ZMYM2: variants seen among roughly 807,000 people sequenced by gnomAD.
The protein encoded by ZMYM2 is zinc finger MYM-type containing 2.
ZMYM2 carries 56 observed loss-of-function variants against 162.8 expected under a neutral mutation model. The observed-to-expected ratio is 0.34, with a 90% CI of 0.28 to 0.43. The LOEUF is 0.43. Among genes scored for constraint, ZMYM2 ranks in the 20% least tolerant of loss-of-function variants. The probability of loss-of-function intolerance (pLI) is 1.00; values close to 1 mark genes in which losing one functional copy is unlikely to be tolerated. For synonymous variants in ZMYM2, 510 were observed against 541.6 expected (o/e 0.94, Z 0.81); for missense variants, 1,275 against 1,621.8 (o/e 0.79, Z 3.67).
At chr13:20,055,142 AG>A (rs1201275925) in intron 14 of ZMYM2, among the ~76,000 whole-genome samples, 2 of 152,054 alleles carry the variant, frequency 1.3e-5, no homozygotes, top group Non-Finnish European at 2.9e-5. Flanking sequence ...TATGAGGAGT[AG>A]GGGTAGGGGC....
At chr13:20,060,697 T>C (rs1956164480) in intron 16 of ZMYM2, among the ~76,000 whole-genome samples, 1 of 150,924 alleles carries the variant, frequency 6.6e-6, no homozygotes, top group Non-Finnish European at 1.5e-5. Flanking sequence ...AAAAGAAAAA[T>C]ATTTGTGAAG....
At chr13:20,058,154 C>T (rs184475965) in intron 14 of ZMYM2, among the ~76,000 whole-genome samples, 1 of 152,088 alleles carries the variant, frequency 6.6e-6, no homozygotes, top group Non-Finnish European at 1.5e-5. Flanking sequence ...ATATTTAAAG[C>T]CATTTATCCA....
chr13:19,879,971 C>T, the ZMYM2 span, among the ~76,000 whole-genome samples: 1 of 152,208 alleles, frequency 6.6e-6, no homozygotes, highest in Non-Finnish European at 1.5e-5. Flanking sequence ...TATTTCCTCT[C>T]TTTCTTTTCC....
chr13:20,073,123 G>A (rs1412255971), intron 21 of ZMYM2, among the ~76,000 whole-genome samples: 2 of 152,040 alleles, frequency 1.3e-5, no homozygotes, highest in Non-Finnish European at 2.9e-5. Flanking sequence ...GGCCAGGCTG[G>A]TCTTGAATTC....
chr13:20,057,655 G>C (rs184947731), intron 14 of ZMYM2, among the ~76,000 whole-genome samples: 1 of 152,214 alleles, frequency 6.6e-6, no homozygotes, highest in Non-Finnish European at 1.5e-5. Context: ...GTACAGTAGT[G>C]TATTACACAA....
the ZMYM2 span, among the ~76,000 whole-genome samples, chr13:19,913,259 C>G: frequency 6.6e-6 from 1 of 152,116 alleles, no homozygotes; most frequent in African/African-American, 2.4e-5. Context: ...TGCTACTGGG[C>G]CTTTCTTGAG....
At chr13:19,958,417 C>T (rs1187186692), upstream of ZMYM2, among the ~76,000 whole-genome samples, 2 of 150,086 alleles carry the variant, frequency 1.3e-5, no homozygotes, top group East Asian at 4.1e-4. Context: ...GGGTTCGGTA[C>T]GGCGGGCAGC....
At chr13:19,907,581 G>A in the ZMYM2 span, among the ~76,000 whole-genome samples, 1 of 152,036 alleles carries the variant, frequency 6.6e-6, no homozygotes, top group Non-Finnish European at 1.5e-5. Flanking sequence ...CCAACATGGT[G>A]AAACCCTGTC....
the ZMYM2 span, among the ~76,000 whole-genome samples, chr13:19,938,352 C>CA: frequency 1.3e-5 from 2 of 151,936 alleles, no homozygotes; most frequent in Non-Finnish European, 2.9e-5. Context: ...ACTAAAAATA[C>CA]AAAAAAATTA....
At chr13:20,029,292 C>T (rs1360371226) in intron 9 of ZMYM2, among the ~76,000 whole-genome samples, 3 of 152,218 alleles carry the variant, frequency 2.0e-5, no homozygotes, top group African/African-American at 7.2e-5. Context: ...AGAGTACTGA[C>T]TGATTAGATC....
intron 15 of ZMYM2, 76 bp from the exon 16 acceptor site, chr13:20,059,371 C>A (rs1593166553): frequency 2.7e-6 from 4 of 1,480,058 alleles, no homozygotes; most frequent in South Asian, 1.3e-5. Context: ...TTTTCTTTAT[C>A]AAATTATTTT....
intron 19 of ZMYM2, 30 bp downstream of exon 19, chr13:20,064,575 T>C (rs1956526710): frequency 6.7e-7 from 1 of 1,489,498 alleles, no homozygotes; most frequent in Admixed American, 2.1e-5. Flanking sequence ...TATATAACAA[T>C]ATTTCTCTAT....
At chr13:19,997,396 T>G (rs565528977) in intron 3 of ZMYM2, among the ~76,000 whole-genome samples, 4 of 152,186 alleles carry the variant, frequency 2.6e-5, no homozygotes, top group Non-Finnish European at 5.9e-5. Context: ...CTAACGATTT[T>G]TGGTTTAAAA....
At chr13:20,021,325 TC>T (rs199975239) in intron 7 of ZMYM2, among the ~76,000 whole-genome samples, 18,112 of 146,482 alleles carry the variant, frequency 0.12, 1,548 homozygotes, top group African/African-American at 0.21. Context: ...AGTTTGATTT[TC>T]TTTTTTTTTC....
chr13:20,063,529 C>T (rs1956390055), intron 18 of ZMYM2, among the ~76,000 whole-genome samples: 1 of 151,112 alleles, frequency 6.6e-6, no homozygotes, highest in Non-Finnish European at 1.5e-5. Flanking sequence ...GCCTGTAATC[C>T]CAGCACTTTG....
At chr13:19,926,572 C>T in the ZMYM2 span, among the ~76,000 whole-genome samples, 3 of 152,034 alleles carry the variant, frequency 2.0e-5, no homozygotes, top group Non-Finnish European at 4.4e-5. Flanking sequence ...CCATGTCGGC[C>T]AGGCTGGTCT....
chr13:19,864,074 C>T, the ZMYM2 span: 1 of 152,554 alleles, frequency 6.6e-6, no homozygotes, highest in African/African-American at 2.4e-5. Context: ...GGCAGCGGCT[C>T]CCAACGCCTC....
At chr13:19,966,122 T>C (rs1336393942) in intron 2 of ZMYM2, among the ~76,000 whole-genome samples, 1 of 147,768 alleles carries the variant, frequency 6.8e-6, no homozygotes, top group Non-Finnish European at 1.5e-5. Context: ...TTGTTTTTTT[T>C]TTTGTTTTTG....
At chr13:20,020,131 G>A (rs1170688729) in intron 7 of ZMYM2, among the ~76,000 whole-genome samples, 1 of 152,008 alleles carries the variant, frequency 6.6e-6, no homozygotes, top group Non-Finnish European at 1.5e-5. Flanking sequence ...AGTCAATAGA[G>A]CGTATTCAAA....
Sources: allele counts gnomAD v4.1 joint callset (sites outside exome capture counted in the v4.1 genomes callset), GRCh38; gene constraint gnomAD v4.1.1; transcripts MANE v1.5; gene names NCBI Gene and HGNC (gene_info 2026-07-23, HGNC 2026-07-21).